CNNM3: variants seen among roughly 807,000 people sequenced by gnomAD.
CNNM3 encodes metal transporter CNNM3.
In CNNM3, 47 loss-of-function variants were observed where a neutral mutation model predicts 57.1. That is an observed-to-expected ratio of 0.82 (90% confidence interval 0.65 to 1.05). CNNM3 has a LOEUF of 1.05. Ranked by LOEUF, CNNM3 falls within the 50% of genes least tolerant of loss-of-function variation. The probability of loss-of-function intolerance (pLI) is 0.00; values close to 1 mark genes in which losing one functional copy is unlikely to be tolerated. For missense variants in CNNM3, 957 were observed against 973.7 expected (o/e 0.98, Z 0.23); for synonymous variants, 507 against 478.2 (o/e 1.06, Z -0.79).
chr2:96,827,251 T>A (rs1220671783), intron 3 of CNNM3, among the ~76,000 whole-genome samples: 1 of 147,554 alleles, frequency 6.8e-6, no homozygotes, highest in Non-Finnish European at 1.5e-5. Context: ...GGATGTGGGG[T>A]GCCCTGCCCA....
At chr2:96,829,299 T>G in intron 7 of CNNM3, 165 bp downstream of exon 7, 2 of 834,802 alleles carry the variant, frequency 2.4e-6, no homozygotes, top group Non-Finnish European at 2.9e-6. Context: ...ATAAATAATT[T>G]TTTTTTTTTT....
downstream of CNNM3, among the ~76,000 whole-genome samples, chr2:96,835,468 A>G (rs114495736): frequency 7.3e-3 from 1,042 of 142,474 alleles, 9 homozygotes; most frequent in African/African-American, 0.027. Context: ...AAACAATCAA[A>G]CTTTTTTTTT....
In CNNM3 at chr2:96,827,768, G is replaced by C. The variant is rs147683550; in HGVS notation, c.1557G>C (p.Lys519Asn). ...DVFSPLRISE[K>N]VLLHLLKHPS... The stretch of plus-strand genomic sequence containing the variant: ...TCAGCCCGCTGCGCATCTCTGAGAA[G>C]GTCCTGCTGCACCTGTTGAAGCATC... The change falls in exon 4 of 8, where the codon AAG becomes AAC. Residue 519 changes from lysine to asparagine, a missense_variant. By Grantham distance (94) the Lys-to-Asn change is moderately conservative. Transcript: ENST00000305510. 1 of 1,614,204 alleles carries C rather than the reference G, an allele frequency of 6.2e-7. No individual in the cohort carries two copies. Among genetic ancestry groups the C allele is most frequent in the Non-Finnish European group, 8.5e-7 (1 of 1,180,034 alleles).
chr2:96,817,489 G>T lies in CNNM3; in HGVS notation c.1212G>T (p.Glu404Asp). The T allele has an allele frequency of 1.2e-6, 2 of 1,611,538 alleles. No individual in the cohort carries two copies. Among genetic ancestry groups the T allele is most frequent in the Non-Finnish European group, 1.7e-6 (2 of 1,178,080 alleles). ...ACACCAAGCTGGACGCTGTCCTGGAGGAATTCAAGCGAGGTAACGGCCCGG... is the reference window on the plus strand; with the variant it reads ...ACACCAAGCTGGACGCTGTCCTGGATGAATTCAAGCGAGGTAACGGCCCGG... ...FNDTKLDAVL[E>D]EFKRGKSHLA... is the part of the protein sequence containing the mutation. Residue 404 changes from glutamate to aspartate, a missense_variant, in exon 1 of 8, where the codon GAG becomes GAT. Glu to Asp is a conservative substitution (Grantham distance 45). This residue lies in a region of CNNM3 where 491 missense variants were observed against 570.6 expected (regional missense o/e 0.86). Coordinates refer to ENST00000305510, the MANE Select transcript of CNNM3 (RefSeq NM_017623.5).
downstream of CNNM3, among the ~76,000 whole-genome samples, chr2:96,835,800 C>G (rs1270155671): frequency 6.6e-6 from 1 of 152,114 alleles, no homozygotes; most frequent in African/African-American, 2.4e-5. Context: ...CACCGGCAAC[C>G]TAGGATGATC....
intron 1 of CNNM3, among the ~76,000 whole-genome samples, chr2:96,821,442 G>A (rs2079404757): frequency 6.6e-6 from 1 of 152,048 alleles, no homozygotes; most frequent in African/African-American, 2.4e-5. Flanking sequence ...TTTCATTCCG[G>A]GTCTTGTTTC....
At chr2:96,821,543 C>T (rs140999536) in intron 1 of CNNM3, among the ~76,000 whole-genome samples, 1 of 152,206 alleles carries the variant, frequency 6.6e-6, no homozygotes, top group East Asian at 1.9e-4. Context: ...CTTGAGATGA[C>T]GTGCTGATTA....
chr2:96,827,641 C>T, intron 3 of CNNM3, 90 bp from the exon 4 acceptor site: 1 of 1,375,124 alleles, frequency 7.3e-7, no homozygotes, highest in Non-Finnish European at 1.0e-6. Flanking sequence ...CTGGTGGGCA[C>T]AATAACTTTA....
At chr2:96,836,493 A>C (rs1337467715), downstream of CNNM3, 2 of 152,136 alleles carry the variant, frequency 1.3e-5, no homozygotes, top group African/African-American at 4.8e-5. Flanking sequence ...TGCCCGCCTC[A>C]GCCTACCAAA....
chr2:96,825,762 G>A (rs1322743543), intron 2 of CNNM3, among the ~76,000 whole-genome samples: 1 of 152,196 alleles, frequency 6.6e-6, no homozygotes, highest in Non-Finnish European at 1.5e-5. Flanking sequence ...TTAGCTGGGC[G>A]TGGTGGTGCG....
chr2:96,825,416 C>T (rs370998931), intron 2 of CNNM3, among the ~76,000 whole-genome samples: 24 of 152,282 alleles, frequency 1.6e-4, no homozygotes, highest in African/African-American at 5.5e-4. Flanking sequence ...CCTGTGCCAG[C>T]GGTGGCCTTG....
intron 1 of CNNM3, 98 bp downstream of exon 1, chr2:96,817,600 C>A: frequency 8.3e-7 from 1 of 1,211,996 alleles, no homozygotes; most frequent in Non-Finnish European, 1.2e-6. Context: ...GGGTCCCACC[C>A]CTGTGGAGAG....
chr2:96,828,662 T>C lies in CNNM3; in HGVS notation c.1882T>C (p.Tyr628His). 2 of 1,614,178 alleles carry C rather than the reference T, an allele frequency of 1.2e-6. No homozygotes were observed. Among genetic ancestry groups the C allele is most frequent in the Non-Finnish European group, 8.5e-7 (1 of 1,180,034 alleles). The change falls in exon 6 of 8, where the codon TAC becomes CAC. Residue 628 changes from tyrosine to histidine, a missense_variant. Physicochemically the swap from Tyr to His is moderately conservative, Grantham distance 83. Transcript: ENST00000305510. ...GCATTCATCTGCGTATTGTCCCGAC[T>C]ACACCGTGAGGGCGCTCTCTGATCT... ...GTHSSAYCPD[Y>H]TVRALSDLQL... is the part of the protein sequence containing the mutation.
intron 5 of CNNM3, 79 bp downstream of exon 5, chr2:96,828,274 G>C: frequency 3.3e-6 from 4 of 1,195,476 alleles, no homozygotes; most frequent in Non-Finnish European, 4.9e-6. Flanking sequence ...TGGGCTCTCA[G>C]TGCCCCTCCT....
intron 1 of CNNM3, among the ~76,000 whole-genome samples, chr2:96,818,625 T>G (rs946288619): frequency 2.6e-5 from 4 of 152,186 alleles, no homozygotes; most frequent in African/African-American, 9.7e-5. Context: ...CTTCACTGTT[T>G]TAGCTGAGCA....
In CNNM3 at chr2:96,833,166, GC is replaced by G; in HGVS notation, c.*554del. The G allele has an allele frequency of 2.1e-6, 1 of 486,578 alleles. No individual in the cohort carries two copies. Among genetic ancestry groups the G allele is most frequent in the Non-Finnish European group, 3.5e-6 (1 of 284,354 alleles). The allele number at this position is 486,578 out of a possible 1,614,324, so 30.1% of individuals were successfully genotyped here. A position where few individuals can be genotyped will look rare whatever the true frequency, so the allele number is the denominator to read the frequency against. ...GATGGTGTCATGTTTCAGCGCATGC[GC>G]CCCAGCCTTTCCCATGTGCCAAACC... On this transcript the variant is annotated 3_prime_UTR_variant, in exon 8 of 8. Transcript: ENST00000305510.
intron 7 of CNNM3, chr2:96,831,841 C>A: frequency 3.2e-6 from 1 of 314,562 alleles, no homozygotes; most frequent in Non-Finnish European, 4.6e-6. Context: ...AGCACTGCAG[C>A]TGCCAGCTCT....
rs2079664509 is a variant in CNNM3, at chr2:96,834,819, A to G, written c.*2203A>G. 6.6e-6 allele frequency among the ~76,000 whole-genome samples: 1 copy of G among 152,234 alleles called. No homozygotes were observed. Among genetic ancestry groups the G allele is most frequent in the Non-Finnish European group, 1.5e-5 (1 of 68,040 alleles). ...TTTCTGCTGCAGCAGCCAATCCAGG[A>G]TGCCATACTGCACTTAGAGCTGTTG... On this transcript the variant is annotated 3_prime_UTR_variant, in exon 8 of 8. Coordinates refer to ENST00000305510, the MANE Select transcript of CNNM3 (RefSeq NM_017623.5).
chr2:96,829,214 C>T (rs957682152), intron 7 of CNNM3, 80 bp downstream of exon 7: 24 of 1,490,790 alleles, frequency 1.6e-5, no homozygotes, highest in South Asian at 2.9e-5. Flanking sequence ...GCACTCTCGC[C>T]GCCCCCCCAC....
Sources: gnomAD v4.1 joint callset for allele counts (sites outside exome capture counted in the v4.1 genomes callset) on GRCh38, gnomAD v4.1.1 for gene constraint, gnomAD v4.1.1 regional missense constraint, MANE v1.5 for transcripts, NCBI Gene and HGNC (gene_info 2026-07-23, HGNC 2026-07-21) for gene names.